RORA: variants seen among roughly 807,000 people sequenced by gnomAD.
The protein encoded by RORA is nuclear receptor ROR-alpha.
Under a neutral mutation model 69.5 loss-of-function variants are expected in RORA, and 7 were observed. The observed-to-expected ratio is 0.10, with a 90% CI of 0.06 to 0.19. The LOEUF (loss-of-function observed/expected upper bound fraction) is 0.19, where lower values mean the gene tolerates loss of function less well. RORA is among the 10% of genes least tolerant of loss of function. The probability of loss-of-function intolerance (pLI) is 1.00; values close to 1 mark genes in which losing one functional copy is unlikely to be tolerated. For synonymous variants in RORA, 261 were observed against 240.8 expected, an observed-to-expected ratio of 1.08 and a Z score of -0.78; for missense variants, 457 against 663.0, an observed-to-expected ratio of 0.69 and a Z score of 3.41.
intron 2 of RORA, among the ~76,000 whole-genome samples, chr15:60,541,752 T>C (rs547899144): frequency 5.3e-5 from 8 of 150,740 alleles, no homozygotes; most frequent in South Asian, 2.1e-4. Flanking sequence ...CTCATAAATG[T>C]CATTTTTTTC....
intron 1 of RORA, among the ~76,000 whole-genome samples, chr15:61,090,272 A>G (rs751063797): frequency 6.6e-6 from 1 of 152,184 alleles, no homozygotes; most frequent in Non-Finnish European, 1.5e-5. Context: ...TTACTAAGAG[A>G]TCTGAATCAA....
At chr15:60,976,519 A>G (rs1288443994) in intron 1 of RORA, among the ~76,000 whole-genome samples, 2 of 152,126 alleles carry the variant, frequency 1.3e-5, no homozygotes, top group Admixed American at 6.5e-5. Flanking sequence ...GCCTGCCAGC[A>G]TCAGCGGCGA....
chr15:61,114,417 C>T (rs1477767442), intron 1 of RORA, among the ~76,000 whole-genome samples: 2 of 152,088 alleles, frequency 1.3e-5, no homozygotes, highest in African/African-American at 4.8e-5. Context: ...GAGTGGGGAC[C>T]TATGTTAATA....
At chr15:61,208,534 T>C (rs1460643385) in intron 1 of RORA, among the ~76,000 whole-genome samples, 3 of 152,146 alleles carry the variant, frequency 2.0e-5, no homozygotes, top group Non-Finnish European at 4.4e-5. Flanking sequence ...TTAAGATGGG[T>C]GAATGTAATG....
At chr15:61,176,935 G>A (rs766280685) in intron 1 of RORA, among the ~76,000 whole-genome samples, 4 of 152,134 alleles carry the variant, frequency 2.6e-5, no homozygotes, top group Non-Finnish European at 5.9e-5. Context: ...ACTGGCCTCT[G>A]GAACATTCAC....
Position 61,131,486 on chromosome 15 carries a change from G to C in RORA, c.166+97567C>G, listed in dbSNP as rs1319009899. ...TCCTGGGTTGGGGTGAGTGGGGACT[G>C]AGGACTTCCTGGGGAAAGACTGAGG... On this transcript the variant is annotated intron_variant, in intron 1 of 10. Coordinates refer to ENST00000335670, the MANE Select transcript of RORA (RefSeq NM_134261.3). The surrounding 1 kb of genome is among the most constrained non-coding windows in gnomAD (Gnocchi z 4.2). Among the ~76,000 whole-genome samples the C allele has an allele frequency of 6.6e-6, 1 of 152,158 alleles. No individual in the cohort carries two copies. Among genetic ancestry groups the C allele is most frequent in the East Asian group, 1.9e-4 (1 of 5,196 alleles).
intron 1 of RORA, among the ~76,000 whole-genome samples, chr15:61,100,687 C>T (rs143486754): frequency 2.6e-4 from 40 of 152,262 alleles, no homozygotes; most frequent in Non-Finnish European, 3.4e-4. Context: ...GACACATTCC[C>T]GTGGCTCTGG....
At chr15:60,646,868 G>T (rs2070055981) in intron 2 of RORA, among the ~76,000 whole-genome samples, 1 of 152,228 alleles carries the variant, frequency 6.6e-6, no homozygotes, top group African/African-American at 2.4e-5. Context: ...CTCACCCAGT[G>T]ATAATGACCG....
At chr15:61,217,432 G>C (rs866794784) in intron 1 of RORA, among the ~76,000 whole-genome samples, 3 of 145,126 alleles carry the variant, frequency 2.1e-5, no homozygotes, top group African/African-American at 8.0e-5. Context: ...GGATTTCAAT[G>C]AGCAGAGAGA....
intron 1 of RORA, among the ~76,000 whole-genome samples, chr15:60,873,825 CA>C (rs1443226420): frequency 1.3e-5 from 2 of 151,970 alleles, no homozygotes; most frequent in African/African-American, 4.8e-5. Flanking sequence ...CATTCTGGAG[CA>C]AAAAGCAAAT....
chr15:60,828,222 G>T (rs778677472), intron 1 of RORA, among the ~76,000 whole-genome samples: 5 of 152,134 alleles, frequency 3.3e-5, no homozygotes, highest in Non-Finnish European at 7.4e-5. Flanking sequence ...TCAGGGTCAG[G>T]AGAGGCAGCA....
chr15:60,680,219 A>G (rs2070623085), intron 1 of RORA, among the ~76,000 whole-genome samples: 1 of 152,172 alleles, frequency 6.6e-6, no homozygotes, highest in South Asian at 2.1e-4. Flanking sequence ...TTTCCTTAGG[A>G]AATAGTGCTT....
At chr15:60,659,932 C>T (rs1027622678) in intron 2 of RORA, among the ~76,000 whole-genome samples, 1 of 152,176 alleles carries the variant, frequency 6.6e-6, no homozygotes, top group Non-Finnish European at 1.5e-5. Context: ...TCATCCACAA[C>T]TACTTCAGTC....
intron 1 of RORA, among the ~76,000 whole-genome samples, chr15:60,852,865 C>A (rs1279029329): frequency 6.6e-6 from 1 of 151,864 alleles, no homozygotes; most frequent in Non-Finnish European, 1.5e-5. Context: ...AAAAAAAATT[C>A]AAGTGCCTGA....
chr15:60,816,070 T>C (rs2072811419), intron 1 of RORA, among the ~76,000 whole-genome samples: 1 of 135,162 alleles, frequency 7.4e-6, no homozygotes, highest in South Asian at 2.3e-4. Flanking sequence ...TTATATACTA[T>C]AAACAGTATA....
intron 1 of RORA, among the ~76,000 whole-genome samples, chr15:60,792,165 A>C (rs75411089): frequency 0.28 from 42,280 of 152,112 alleles, 7,044 homozygotes; most frequent in Admixed American, 0.41. Context: ...ATGAAAAAAA[A>C]TACTACTGTA....
At position 61,108,621 on chromosome 15, in the gene RORA, G is replaced by A. The variant is rs1453745551; in HGVS notation, c.166+120432C>T. Among the ~76,000 whole-genome samples the A allele has an allele frequency of 2.0e-5, 3 of 152,282 alleles. No homozygotes were observed. In the East Asian group the frequency reaches 5.8e-4, roughly 29 times the overall value. ...TTTACGGAAACGTCTGTAGACCTTT[G>A]CTACTACTAAACCATTACCACTAAA... On this transcript the variant is annotated intron_variant, in intron 1 of 10. Transcript: ENST00000335670.
chr15:61,080,919 G>A (rs767383729), intron 1 of RORA, among the ~76,000 whole-genome samples: 12 of 152,176 alleles, frequency 7.9e-5, no homozygotes, highest in Non-Finnish European at 1.6e-4. Context: ...ACAAGGATGG[G>A]ATTGCAGCTT....
At chr15:61,088,688 G>A (rs187231059) in intron 1 of RORA, among the ~76,000 whole-genome samples, 92 of 152,286 alleles carry the variant, frequency 6.0e-4, no homozygotes, top group African/African-American at 2.1e-3. Flanking sequence ...CTGGGTCTGA[G>A]AGCAAAATGG....
Sources: allele counts gnomAD v4.1 joint callset (sites outside exome capture counted in the v4.1 genomes callset), GRCh38; gene constraint gnomAD v4.1.1; non-coding constraint Gnocchi (gnomAD v3.1); transcripts MANE v1.5; gene names NCBI Gene and HGNC (gene_info 2026-07-23, HGNC 2026-07-21).